The following NUBPL variants were observed in gnomAD, a reference collection of about 807,000 sequenced individuals.
NUBPL encodes NUBP iron-sulfur cluster assembly factor, mitochondrial, also known as iron-sulfur cluster transfer protein NUBPL.
Under a neutral mutation model 45.7 loss-of-function variants are expected in NUBPL, and 31 were observed. That is an observed-to-expected ratio of 0.68 (90% confidence interval 0.51 to 0.92). The LOEUF (loss-of-function observed/expected upper bound fraction) is 0.92, where lower values mean the gene tolerates loss of function less well. Among genes scored for constraint, NUBPL ranks in the 40% least tolerant of loss-of-function variants. The pLI, the probability that NUBPL is intolerant of heterozygous loss-of-function variation, is 0.00. For synonymous variants in NUBPL, 144 were observed against 140.9 expected (o/e 1.02, Z -0.15); for missense variants, 401 against 398.7 (o/e 1.01, Z -0.05).
intron 4 of NUBPL, among the ~76,000 whole-genome samples, chr14:31,648,661 A>G (rs572672882): frequency 3.9e-5 from 6 of 152,366 alleles, no homozygotes; most frequent in African/African-American, 1.4e-4. Flanking sequence ...AACATAGACT[A>G]TACATTAACT....
At position 31,859,586 on chromosome 14, in the gene NUBPL, G is replaced by A. The variant is rs1356179942; in HGVS notation, c.*406G>A. ...ATTACGCCTTCCCACCAGGCAATTT[G>A]GACTGTCTTTGAATCCTGTCTTTGG... On this transcript the variant is annotated 3_prime_UTR_variant, in exon 11 of 11. Transcript: ENST00000281081. 3.2e-6 allele frequency: 1 copy of A among 308,186 alleles called. No homozygotes were observed. The highest frequency in any genetic ancestry group is 2.2e-5 in the African/African-American group (1 of 45,942). 19.1% of individuals were successfully genotyped at this position (308,186 alleles called of 1,614,324 possible). A position where few individuals can be genotyped will look rare whatever the true frequency, so the allele number is the denominator to read the frequency against.
At chr14:31,763,826 G>C in intron 6 of NUBPL, among the ~76,000 whole-genome samples, 1 of 151,876 alleles carries the variant, frequency 6.6e-6, no homozygotes, top group East Asian at 1.9e-4. Flanking sequence ...TTCAACTCTA[G>C]AAGAGAAAAA....
rs1172015939 is a variant in NUBPL at position 31,860,370 on chromosome 14, T to C, written c.*1190T>C. 2.6e-5 allele frequency: 4 copies of C among 151,626 alleles called. No homozygotes were observed. Among genetic ancestry groups the C allele is most frequent in the Non-Finnish European group, 4.4e-5 (3 of 67,928 alleles). 9.4% of individuals were successfully genotyped at this position (151,626 alleles called of 1,614,324 possible). ...ATTTAGCATTTCCTCAAACTTTTTT[T>C]GGCCATGAAATCCACCACCCCCCTC... On this transcript the variant is annotated 3_prime_UTR_variant, in exon 11 of 11. Coordinates refer to ENST00000281081, the MANE Select transcript of NUBPL (RefSeq NM_025152.3).
chr14:31,761,720 T>C (rs1161842838), intron 6 of NUBPL, among the ~76,000 whole-genome samples: 1 of 152,212 alleles, frequency 6.6e-6, no homozygotes, highest in Non-Finnish European at 1.5e-5. Flanking sequence ...TTTCGTAGTA[T>C]TGAGTGACAG....
At position 31,562,150 on chromosome 14, in the gene NUBPL, A is replaced by G. The variant is rs761411244; in HGVS notation, c.191A>G (p.Glu64Gly). The change falls in exon 2 of 11, where the codon GAA (glutamate) becomes GGA (glycine). Residue 64 changes from glutamate to glycine, a missense_variant. Physicochemically the swap from Glu to Gly is moderately conservative, Grantham distance 98. Transcript: ENST00000281081. ...GGACTTCCAAAGCAGAAACCGATAG[A>G]AGGTGTTAAACAAGTTATAGTTGTG... ...SRGLPKQKPIEGVKQVIVVAS... is the reference protein window; with the variant it reads ...SRGLPKQKPIGGVKQVIVVAS... 8.7e-6 allele frequency: 14 copies of G among 1,614,104 alleles called. No homozygotes were observed. The highest frequency in any genetic ancestry group is 1.2e-5 in the Non-Finnish European group (14 of 1,179,952).
chr14:31,679,729 G>A (rs118169602), intron 6 of NUBPL, among the ~76,000 whole-genome samples: 9,693 of 152,066 alleles, frequency 0.064, 409 homozygotes, highest in Non-Finnish European at 0.091. Context: ...TGTTTTGGCT[G>A]CTCTAGTTTC....
intron 6 of NUBPL, among the ~76,000 whole-genome samples, chr14:31,749,889 C>T (rs538240635): frequency 1.1e-3 from 170 of 152,146 alleles, no homozygotes; most frequent in African/African-American, 3.6e-3. Context: ...GTTCTTCATT[C>T]TTTTTTATTC....
intron 6 of NUBPL, among the ~76,000 whole-genome samples, chr14:31,687,585 G>A (rs191460028): frequency 5.9e-5 from 9 of 152,346 alleles, no homozygotes; most frequent in Non-Finnish European, 8.8e-5. Context: ...TGTTGCTATT[G>A]TGGTGAGCTC....
intron 6 of NUBPL, among the ~76,000 whole-genome samples, chr14:31,783,204 G>A (rs949941357): frequency 6.6e-6 from 1 of 152,140 alleles, no homozygotes; most frequent in Admixed American, 6.5e-5. Context: ...ATCTTGCAAC[G>A]AGGTGATGCC....
intron 4 of NUBPL, among the ~76,000 whole-genome samples, chr14:31,612,661 GA>G (rs796995974): frequency 6.0e-5 from 7 of 116,150 alleles, no homozygotes; most frequent in Admixed American, 1.8e-4. Context: ...CTCTGTCTCA[GA>G]AAAAAAAAAG....
intron 4 of NUBPL, among the ~76,000 whole-genome samples, chr14:31,664,674 A>G (rs1195731253): frequency 2.0e-5 from 3 of 152,190 alleles, no homozygotes; most frequent in Non-Finnish European, 4.4e-5. Context: ...GATGTTCATC[A>G]GGGATGTAGG....
chr14:31,701,171 A>G (rs1229124103), intron 6 of NUBPL, among the ~76,000 whole-genome samples: 1 of 151,044 alleles, frequency 6.6e-6, no homozygotes, highest in Non-Finnish European at 1.5e-5. Context: ...ATGTCTAGCT[A>G]GAGGATTGTA....
At position 31,811,410 on chromosome 14, in the gene NUBPL, C is replaced by T. The variant is rs145166871; in HGVS notation, c.608-15219C>T. 1.9e-3 allele frequency among the ~76,000 whole-genome samples: 293 copies of T among 152,266 alleles called. 1 individual carries two copies. Among genetic ancestry groups the T allele is most frequent in the African/African-American group, 6.6e-3 (273 of 41,550 alleles). Reference sequence around the variant, plus strand: ...TACCCTTTCTTCCACTTGATCGAATCGGCTACTGAAGCTTGTGCATGCATC... The same window carrying T: ...TACCCTTTCTTCCACTTGATCGAATTGGCTACTGAAGCTTGTGCATGCATC... On this transcript the variant is annotated intron_variant, in intron 7 of 10. Transcript: ENST00000281081.
chr14:31,694,314 A>G (rs1017895668), intron 6 of NUBPL, among the ~76,000 whole-genome samples: 2 of 152,220 alleles, frequency 1.3e-5, no homozygotes, highest in Non-Finnish European at 2.9e-5. Flanking sequence ...ATAGATACAT[A>G]ACTAAAGTCC....
At chr14:31,679,473 A>AT (rs2036778494) in intron 6 of NUBPL, among the ~76,000 whole-genome samples, 2 of 152,094 alleles carry the variant, frequency 1.3e-5, no homozygotes, top group East Asian at 1.9e-4. Context: ...AATGTTTATA[A>AT]TTTTTTATAG....
intron 4 of NUBPL, among the ~76,000 whole-genome samples, chr14:31,627,009 T>TA (rs2035221685): frequency 6.6e-6 from 1 of 152,040 alleles, no homozygotes; most frequent in East Asian, 1.9e-4. Flanking sequence ...ACCCATGGAA[T>TA]AAAAAAAGGT....
intron 6 of NUBPL, among the ~76,000 whole-genome samples, chr14:31,769,776 A>G (rs1483907881): frequency 6.6e-6 from 1 of 151,924 alleles, no homozygotes; most frequent in Admixed American, 6.6e-5. Context: ...GATCATAGTC[A>G]TGGTATTTTT....
At chr14:31,653,687 G>A (rs2036069353) in intron 4 of NUBPL, among the ~76,000 whole-genome samples, 1 of 152,122 alleles carries the variant, frequency 6.6e-6, no homozygotes. Context: ...CTGAGGTGAC[G>A]TACATCCTCA....
chr14:31,617,489 G>T (rs756440925), intron 4 of NUBPL, among the ~76,000 whole-genome samples: 9 of 152,086 alleles, frequency 5.9e-5, no homozygotes, highest in African/African-American at 9.7e-5. Context: ...GCAGGAAGGG[G>T]TGTTGAATTT....
Sources: allele counts gnomAD v4.1 joint callset (sites outside exome capture counted in the v4.1 genomes callset), GRCh38; gene constraint gnomAD v4.1.1; transcripts MANE v1.5; gene names NCBI Gene and HGNC (gene_info 2026-07-23, HGNC 2026-07-21).